RBFOX1: variants seen among roughly 807,000 people sequenced by gnomAD.
The protein encoded by RBFOX1 is RNA binding protein fox-1 homolog 1.
A neutral mutation model predicts 57.7 loss-of-function variants in RBFOX1; 8 were observed. The ratio of observed to expected loss-of-function variants is 0.14; its 90% CI spans 0.08 to 0.25. RBFOX1 has a LOEUF of 0.25. Ranked by LOEUF, RBFOX1 falls within the 10% of genes least tolerant of loss-of-function variation. The pLI, the probability that RBFOX1 is intolerant of heterozygous loss-of-function variation, is 1.00. For missense variants in RBFOX1, 611 were observed against 548.5 expected, an observed-to-expected ratio of 1.11 and a Z score of -1.14; for synonymous variants, 326 against 222.4, an observed-to-expected ratio of 1.47 and a Z score of -4.15.
chr16:5,472,179 C>T (rs1370315395), intron 2 of RBFOX1, among the ~76,000 whole-genome samples: 5 of 152,162 alleles, frequency 3.3e-5, no homozygotes, highest in Non-Finnish European at 1.5e-5. Flanking sequence ...GCATAATAAC[C>T]TCTGTGGTTG....
chr16:5,813,353 C>T (rs1003294766), intron 3 of RBFOX1, among the ~76,000 whole-genome samples: 9 of 152,104 alleles, frequency 5.9e-5, no homozygotes, highest in Non-Finnish European at 1.3e-4. Context: ...AGAACTTTTT[C>T]GTCACCCAAA....
chr16:6,087,475 A>G (rs552394097), intron 1 of RBFOX1, among the ~76,000 whole-genome samples: 10 of 152,234 alleles, frequency 6.6e-5, no homozygotes, highest in African/African-American at 2.4e-4. Flanking sequence ...TTTTTTCTCT[A>G]TGTGTATACA....
chr16:7,590,587 C>T (rs988683575), intron 7 of RBFOX1, among the ~76,000 whole-genome samples: 2 of 152,036 alleles, frequency 1.3e-5, no homozygotes, highest in East Asian at 2.0e-4. Flanking sequence ...TGGCCGTGTG[C>T]GGTGGCTCAC....
chr16:5,887,511 C>T (rs919953435), intron 4 of RBFOX1, among the ~76,000 whole-genome samples: 27 of 152,224 alleles, frequency 1.8e-4, no homozygotes, highest in African/African-American at 6.5e-4. Context: ...AAGCAATTCT[C>T]CTGCCTTAGC....
intron 2 of RBFOX1, among the ~76,000 whole-genome samples, chr16:6,471,458 C>A (rs1452936109): frequency 6.6e-6 from 1 of 151,892 alleles, no homozygotes; most frequent in East Asian, 1.9e-4. Flanking sequence ...TTGCATTCTC[C>A]AGGCCTAAAA....
chr16:6,238,516 C>T (rs1040467839), intron 1 of RBFOX1, among the ~76,000 whole-genome samples: 1 of 152,108 alleles, frequency 6.6e-6, no homozygotes, highest in African/African-American at 2.4e-5. Context: ...TTCCATATGT[C>T]CAAACCCTAT....
rs140522715 is a variant in RBFOX1, at chr16:7,416,868, A to G, written c.28-101279A>G. 6.6e-5 allele frequency among the ~76,000 whole-genome samples: 10 copies of G among 152,086 alleles called. No homozygotes were observed. The East Asian group carries it at 7.7e-4, about 12-fold the overall frequency. ...CACGTAACACATATTATCTCATTCA[A>G]TCCCCGACAACAACCCTCTGAAGGA... On this transcript the variant is annotated intron_variant, in intron 4 of 15. Transcript: ENST00000550418.
At chr16:7,238,040 T>C (rs536066376) in intron 4 of RBFOX1, among the ~76,000 whole-genome samples, 7 of 152,276 alleles carry the variant, frequency 4.6e-5, no homozygotes, top group East Asian at 1.9e-4. Context: ...TGCTACAACA[T>C]AGATGAACCT....
rs141571030 is a variant in RBFOX1, at chr16:5,743,038, A to G, written c.319-124265A>G. On this transcript the variant is annotated intron_variant, in intron 3 of 19. Coordinates refer to the RBFOX1 transcript ENST00000641259. ...TAGCAAAGGATTAACTCCGCTTACT[A>G]TTAGCCTGTTTTTTTTTCTCCAAGT... 1.5e-4 allele frequency among the ~76,000 whole-genome samples: 23 copies of G among 152,278 alleles called. No individual in the cohort carries two copies. The East Asian group carries it at 2.7e-3, about 18-fold the overall frequency.
chr16:5,938,165 C>A (rs1297043803), intron 4 of RBFOX1, among the ~76,000 whole-genome samples: 3 of 152,034 alleles, frequency 2.0e-5, no homozygotes, highest in Non-Finnish European at 2.9e-5. Context: ...AAACCTGGAA[C>A]CAAAAAATAC....
At position 7,219,194 on chromosome 16, in the gene RBFOX1, C is replaced by G. The variant is rs193080983; in HGVS notation, c.27+167096C>G. Among the ~76,000 whole-genome samples, 6 of 152,284 alleles carry G rather than the reference C, an allele frequency of 3.9e-5. No homozygotes were observed. In the East Asian group the frequency reaches 1.2e-3, roughly 29 times the overall value. ...AAAATGGAAGTTTCATACACATTGACATAATTAATGAAGAGGCAGGCAGCA... is the reference window on the plus strand; with the variant it reads ...AAAATGGAAGTTTCATACACATTGAGATAATTAATGAAGAGGCAGGCAGCA... On this transcript the variant is annotated intron_variant, in intron 4 of 15. Transcript: ENST00000550418.
At chr16:5,291,223 G>T (rs1483109392) in intron 1 of RBFOX1, among the ~76,000 whole-genome samples, 2 of 150,804 alleles carry the variant, frequency 1.3e-5, no homozygotes, top group Non-Finnish European at 2.9e-5. Context: ...GATGGACTGA[G>T]ATAGTGTGTG....
At chr16:7,155,730 T>TACACACACACAC (rs1387441093) in intron 4 of RBFOX1, among the ~76,000 whole-genome samples, 4 of 82,032 alleles carry the variant, frequency 4.9e-5, no homozygotes, top group African/African-American at 2.7e-4. Flanking sequence ...TATATATATA[T>TACACACACACAC]ATATATATAC....
chr16:6,748,699 CTT>C (rs1325082551), intron 3 of RBFOX1, among the ~76,000 whole-genome samples: 1 of 152,104 alleles, frequency 6.6e-6, no homozygotes, highest in Non-Finnish European at 1.5e-5. Flanking sequence ...AGAATTTGAA[CTT>C]GTTATGCATG....
At chr16:5,347,192 C>G (rs1596600537) in intron 1 of RBFOX1, among the ~76,000 whole-genome samples, 1 of 152,248 alleles carries the variant, frequency 6.6e-6, no homozygotes, top group East Asian at 1.9e-4. Flanking sequence ...ATCTTATATA[C>G]TATATGTTTT....
At chr16:6,783,625 T>C (rs1305602266) in intron 3 of RBFOX1, among the ~76,000 whole-genome samples, 8 of 152,140 alleles carry the variant, frequency 5.3e-5, no homozygotes, top group Non-Finnish European at 1.0e-4. Context: ...TAGTTATTAT[T>C]ATTTTTCATA....
chr16:6,921,162 A>G (rs1409961119), intron 3 of RBFOX1, among the ~76,000 whole-genome samples: 2 of 152,204 alleles, frequency 1.3e-5, no homozygotes, highest in South Asian at 2.1e-4. Context: ...GGAAATGGTG[A>G]TATTCATCTT....
At chr16:6,095,911 A>C (rs537445141) in intron 1 of RBFOX1, among the ~76,000 whole-genome samples, 2 of 152,316 alleles carry the variant, frequency 1.3e-5, no homozygotes, top group South Asian at 2.1e-4. Flanking sequence ...ACAGGCTCCC[A>C]GTGGAGTCTG....
chr16:7,293,185 G>C (rs1373396968), intron 4 of RBFOX1, among the ~76,000 whole-genome samples: 1 of 152,152 alleles, frequency 6.6e-6, no homozygotes, highest in Non-Finnish European at 1.5e-5. Context: ...AATTGTGTCT[G>C]TGCTAAACAT....
Sources: allele counts gnomAD v4.1 joint callset (sites outside exome capture counted in the v4.1 genomes callset), GRCh38; gene constraint gnomAD v4.1.1; transcripts MANE v1.5; gene names NCBI Gene and HGNC (gene_info 2026-07-23, HGNC 2026-07-21).